The following PDZRN4 variants were observed in gnomAD, a reference collection of about 807,000 sequenced individuals.
PDZRN4 encodes PDZ domain containing ring finger 4.
A neutral mutation model predicts 99.0 loss-of-function variants in PDZRN4; 70 were observed. The observed-to-expected ratio is 0.71, with a 90% CI of 0.58 to 0.86. The LOEUF is 0.86. PDZRN4 is among the 40% of genes least tolerant of loss of function. PDZRN4 has a pLI of 0.00. For missense variants in PDZRN4, 1,474 were observed against 1,331.2 expected, an observed-to-expected ratio of 1.11 and a Z score of -1.67; for synonymous variants, 551 against 501.6, an observed-to-expected ratio of 1.10 and a Z score of -1.32.
intron 3 of PDZRN4, among the ~76,000 whole-genome samples, chr12:41,417,544 C>T (rs1265383818): frequency 1.3e-5 from 2 of 152,158 alleles, no homozygotes; most frequent in African/African-American, 2.4e-5. Context: ...ACGCCAGGAA[C>T]ACAAAGATGA....
Position 41,302,394 on chromosome 12 carries a change from T to C in PDZRN4, c.843+108206T>C, listed in dbSNP as rs139831794. 5.2e-3 allele frequency among the ~76,000 whole-genome samples: 788 copies of C among 152,004 alleles called. 9 individuals carry two copies. Among genetic ancestry groups the C allele is most frequent in the African/African-American group, 0.017 (697 of 41,316 alleles). On this transcript the variant is annotated intron_variant, in intron 3 of 9. Transcript: ENST00000402685. ...CTTGTGCATTTTGTTCACCAAAGTATATCCAAGGGAAGGGGTGTACACCCC... is the reference window on the plus strand; with the variant it reads ...CTTGTGCATTTTGTTCACCAAAGTACATCCAAGGGAAGGGGTGTACACCCC...
At chr12:41,319,809 T>A in intron 3 of PDZRN4, among the ~76,000 whole-genome samples, 1 of 152,230 alleles carries the variant, frequency 6.6e-6, no homozygotes, top group Non-Finnish European at 1.5e-5. Context: ...CACCTGCGAC[T>A]GTGTGGTTGC....
intron 3 of PDZRN4, among the ~76,000 whole-genome samples, chr12:41,313,828 G>T (rs909228863): frequency 6.6e-6 from 1 of 152,158 alleles, no homozygotes; most frequent in South Asian, 2.1e-4. Context: ...CACAATGAAT[G>T]ATTTTGAACA....
chr12:41,375,408 G>C (rs1365799484), intron 3 of PDZRN4, among the ~76,000 whole-genome samples: 2 of 152,116 alleles, frequency 1.3e-5, no homozygotes, highest in African/African-American at 4.8e-5. Flanking sequence ...ATTTCAAGAG[G>C]AGGGGATCTT....
chr12:41,492,591 TGAAGG>T lies in PDZRN4; in HGVS notation c.844-13859_844-13855del, dbSNP rs1324886461. Among the ~76,000 whole-genome samples the T allele has an allele frequency of 2.0e-5, 3 of 152,030 alleles. No homozygotes were observed. The South Asian group carries it at 6.2e-4, about 32-fold the overall frequency. On this transcript the variant is annotated intron_variant, in intron 3 of 9. Transcript: ENST00000402685. ...TCTCATTCAGTCATTTAAAAGGAAG[TGAAGG>T]GAAGGAACTGTTTAATGCCAAGTCT...
chr12:41,399,477 G>A (rs1952274175), intron 3 of PDZRN4, among the ~76,000 whole-genome samples: 1 of 152,156 alleles, frequency 6.6e-6, no homozygotes, highest in African/African-American at 2.4e-5. Flanking sequence ...GCTCATGCCT[G>A]TAATCCCAGT....
chr12:41,242,151 T>C (rs559117563), intron 3 of PDZRN4, among the ~76,000 whole-genome samples: 2 of 152,218 alleles, frequency 1.3e-5, no homozygotes, highest in Admixed American at 6.5e-5. Flanking sequence ...AACTCTGTGA[T>C]GAAAGTGTCA....
At chr12:41,210,362 T>C (rs917684050) in intron 3 of PDZRN4, among the ~76,000 whole-genome samples, 12 of 152,108 alleles carry the variant, frequency 7.9e-5, no homozygotes, top group African/African-American at 2.9e-4. Context: ...TTAGATCCCA[T>C]TTGTCAATTA....
At chr12:41,472,114 C>G (rs993972721) in intron 3 of PDZRN4, among the ~76,000 whole-genome samples, 1 of 151,976 alleles carries the variant, frequency 6.6e-6, no homozygotes, top group African/African-American at 2.4e-5. Flanking sequence ...AGCGATTCTC[C>G]TGCCTCAGCC....
At chr12:41,221,874 C>G (rs1361145671) in intron 3 of PDZRN4, among the ~76,000 whole-genome samples, 1 of 152,078 alleles carries the variant, frequency 6.6e-6, no homozygotes, top group Non-Finnish European at 1.5e-5. Context: ...AGATCCAGTC[C>G]CCTACAGGGG....
At position 41,518,355 on chromosome 12, in the gene PDZRN4, T is replaced by A. The variant is rs190290098; in HGVS notation, c.1203+8442T>A. On this transcript the variant is annotated intron_variant, in intron 5 of 9. Coordinates refer to ENST00000402685, the MANE Select transcript of PDZRN4 (RefSeq NM_001164595.2). The stretch of plus-strand genomic sequence containing the variant: ...TGTACCACCTAAGATAACCACAGTT[T>A]ATATTTTGTGTGTGTTTTCCTCTTC... 3.3e-5 allele frequency among the ~76,000 whole-genome samples: 5 copies of A among 152,224 alleles called. No individual in the cohort carries two copies. The East Asian group carries it at 5.8e-4, about 18-fold the overall frequency.
chr12:41,460,349 G>T (rs1952859798), intron 3 of PDZRN4, among the ~76,000 whole-genome samples: 1 of 152,082 alleles, frequency 6.6e-6, no homozygotes, highest in Non-Finnish European at 1.5e-5. Context: ...AAACTTTCTA[G>T]TGCATAATTT....
chr12:41,339,711 C>G (rs1951802389), intron 3 of PDZRN4, among the ~76,000 whole-genome samples: 1 of 151,840 alleles, frequency 6.6e-6, no homozygotes, highest in Non-Finnish European at 1.5e-5. Context: ...GTAATGCACT[C>G]AAACAACTCA....
At position 41,440,455 on chromosome 12, in the gene PDZRN4, T is replaced by A. The variant is rs10161327; in HGVS notation, c.844-66001T>A. Among the ~76,000 whole-genome samples, 812 of 152,268 alleles carry A rather than the reference T, an allele frequency of 5.3e-3. 11 individuals carry two copies. Among genetic ancestry groups the A allele is most frequent in the African/African-American group, 0.019 (776 of 41,558 alleles). ...TAATACAGGACACATAGAATGCAGT[T>A]TCTGGTTTATAACTGCAGTAAACAA... On this transcript the variant is annotated intron_variant, in intron 3 of 9. Transcript: ENST00000402685.
intron 3 of PDZRN4, among the ~76,000 whole-genome samples, chr12:41,479,565 T>A (rs1937641215): frequency 6.6e-6 from 1 of 152,180 alleles, no homozygotes; most frequent in African/African-American, 2.4e-5. Flanking sequence ...GGAATCGTAA[T>A]CACTGCCATC....
At chr12:41,361,579 A>G (rs1431466002) in intron 3 of PDZRN4, among the ~76,000 whole-genome samples, 1 of 152,066 alleles carries the variant, frequency 6.6e-6, no homozygotes, top group Non-Finnish European at 1.5e-5. Flanking sequence ...TTGAGGCCAT[A>G]TGGATCATAA....
At chr12:41,494,855 C>T (rs762985056) in intron 3 of PDZRN4, among the ~76,000 whole-genome samples, 2 of 152,112 alleles carry the variant, frequency 1.3e-5, no homozygotes, top group Admixed American at 6.6e-5. Flanking sequence ...TGATTTAAGC[C>T]ACCTGCTTCT....
chr12:41,246,085 C>G (rs529315798), intron 3 of PDZRN4, among the ~76,000 whole-genome samples: 3 of 152,278 alleles, frequency 2.0e-5, no homozygotes, highest in African/African-American at 4.8e-5. Context: ...TTTGGGTAGA[C>G]AGGAGACATG....
At chr12:41,352,808 G>T (rs537514611) in intron 3 of PDZRN4, among the ~76,000 whole-genome samples, 2 of 152,156 alleles carry the variant, frequency 1.3e-5, no homozygotes, top group Admixed American at 6.5e-5. Context: ...TTGATACAAA[G>T]AATTATAGCA....
Sources: gnomAD v4.1 joint callset for allele counts (sites outside exome capture counted in the v4.1 genomes callset) on GRCh38, gnomAD v4.1.1 for gene constraint, MANE v1.5 for transcripts, NCBI Gene and HGNC (gene_info 2026-07-23, HGNC 2026-07-21) for gene names.